ASZ1: variants seen among roughly 807,000 people sequenced by gnomAD.
ASZ1 encodes ankyrin repeat, SAM and basic leucine zipper domain containing 1, also known as ankyrin repeat, SAM and basic leucine zipper domain-containing protein 1.
ASZ1 carries 67 observed loss-of-function variants against 61.8 expected under a neutral mutation model. The observed-to-expected ratio is 1.08, with a 90% confidence interval of 0.89 to 1.33. The LOEUF (loss-of-function observed/expected upper bound fraction) is 1.33. Ranked by LOEUF, ASZ1 falls within the 40% of genes most tolerant of loss-of-function variation. The pLI is 0.00. For synonymous variants in ASZ1, 193 were observed against 192.7 expected, an observed-to-expected ratio of 1.00 and a Z score of -0.01; for missense variants, 577 against 554.5, an observed-to-expected ratio of 1.04 and a Z score of -0.41.
At chr7:117,372,319 T>A (rs1327933826) in intron 10 of ASZ1, among the ~76,000 whole-genome samples, 1 of 152,132 alleles carries the variant, frequency 6.6e-6, no homozygotes, top group Non-Finnish European at 1.5e-5. Context: ...TGACTTGCTT[T>A]AGCAAATAAA....
In ASZ1 at chr7:117,385,805, G is replaced by A. The variant is rs753770290; in HGVS notation, c.445C>T (p.Leu149Phe). ...NADPNVACRR[L>F]MTPIMYAARD... ...GCAGCATACATGATTGGGGTCATAA[G>A]TCTCCTAAGGAGGAGGAAGAAAGGA... The change falls in exon 5 of 13, where the codon CTT becomes TTT. Residue 149 changes from leucine (L) to phenylalanine (F), a missense_variant. Physicochemically the swap from Leu to Phe is conservative, Grantham distance 22 (BLOSUM62 0). Coordinates refer to ENST00000284629, the MANE Select transcript of ASZ1 (RefSeq NM_130768.3). 13 of 1,608,730 alleles carry A rather than the reference G, an allele frequency of 8.1e-6. No individual in the cohort carries two copies. Among genetic ancestry groups the A allele is most frequent in the Non-Finnish European group, 1.1e-5 (13 of 1,175,826 alleles).
Position 117,363,623 on chromosome 7 carries a change from A to G in ASZ1, c.1401T>C (p.Ile467=). 6.2e-7 allele frequency: 1 copy of G among 1,601,672 alleles called. No homozygotes were observed. The highest frequency in any genetic ancestry group is 8.5e-7 in the Non-Finnish European group (1 of 1,175,218). ...TICGFGFLLF[I]CKLTFQRK ...ATTTCCTCTGGAAAGTTAGCTTGCA[A>G]ATGAAAAGAAGAAAACCGAATCCGC... Residue 467 remains isoleucine (I), a synonymous_variant, in exon 13 of 13, where the codon ATT becomes ATC. Transcript: ENST00000284629.
chr7:117,374,237 G>C (rs1259213000), intron 10 of ASZ1, among the ~76,000 whole-genome samples: 1 of 152,012 alleles, frequency 6.6e-6, no homozygotes, highest in Non-Finnish European at 1.5e-5. Context: ...TCTATTGTTT[G>C]TATGTTTAAT....
chr7:117,406,293 A>T (rs758754355), intron 4 of ASZ1, among the ~76,000 whole-genome samples: 2 of 152,246 alleles, frequency 1.3e-5, no homozygotes, highest in Non-Finnish European at 2.9e-5. Context: ...TCACCAGCAG[A>T]TGTATTTAAA....
chr7:117,374,600 G>C (rs780252585), intron 10 of ASZ1, among the ~76,000 whole-genome samples: 1 of 151,812 alleles, frequency 6.6e-6, no homozygotes, highest in Non-Finnish European at 1.5e-5. Context: ...AATCAAACTG[G>C]AATACGTTGA....
chr7:117,412,039 AGTGTGT>A (rs57672347), intron 4 of ASZ1, among the ~76,000 whole-genome samples: 3,787 of 128,386 alleles, frequency 0.029, 154 homozygotes, highest in African/African-American at 0.09. Context: ...AGTGAAAAGA[AGTGTGT>A]GTGTGTGTGT....
In ASZ1 at chr7:117,382,973, CATGCT is replaced by C; in HGVS notation, c.812+8_812+12del. ...TTATAGGTATTCTGTTGAACTAAAA[CATGCT>C]ATATTACCTAAAAATGTGATCTTTT... is the stretch of plus-strand genomic sequence containing the variant. On this transcript the variant is annotated splice_region_variant and intron_variant, in intron 7 of 12. Coordinates refer to ENST00000284629, the MANE Select transcript of ASZ1 (RefSeq NM_130768.3). The C allele has an allele frequency of 6.5e-7, 1 of 1,540,416 alleles. No individual in the cohort carries two copies. Among genetic ancestry groups the C allele is most frequent in the Non-Finnish European group, 8.7e-7 (1 of 1,146,998 alleles).
intron 4 of ASZ1, among the ~76,000 whole-genome samples, chr7:117,406,709 C>T (rs1031283048): frequency 1.3e-5 from 2 of 151,460 alleles, no homozygotes; most frequent in African/African-American, 4.9e-5. Context: ...GCCGAGATTG[C>T]GCCACTGCAC....
intron 3 of ASZ1, among the ~76,000 whole-genome samples, chr7:117,421,180 C>T (rs1190277253): frequency 6.6e-6 from 1 of 152,128 alleles, no homozygotes; most frequent in Non-Finnish European, 1.5e-5. Context: ...ATTTTATACA[C>T]TTTTGAAAAC....
Position 117,368,719 on chromosome 7 carries a change from T to C in ASZ1, c.1056-2A>G, listed in dbSNP as rs1795991813. 1.9e-6 allele frequency: 3 copies of C among 1,610,320 alleles called. No individual in the cohort carries two copies. Among genetic ancestry groups the C allele is most frequent in the Non-Finnish European group, 2.5e-6 (3 of 1,178,930 alleles). On this transcript the variant is annotated splice_acceptor_variant, in intron 10 of 12. Transcript: ENST00000284629. LOFTEE classifies it high-confidence loss of function. The stretch of plus-strand genomic sequence containing the variant: ...AGAAAGTTGAGGAACTCATCACCAC[T>C]AAAGAAAGGAAACAAACAAACAAGC...
chr7:117,408,519 T>G (rs762901113), intron 4 of ASZ1, among the ~76,000 whole-genome samples: 38 of 152,200 alleles, frequency 2.5e-4, no homozygotes, highest in Middle Eastern at 3.4e-3. Flanking sequence ...TGACCATAGG[T>G]TGGGTTATAA....
At chr7:117,400,727 C>A (rs1412114217) in intron 4 of ASZ1, among the ~76,000 whole-genome samples, 1 of 152,138 alleles carries the variant, frequency 6.6e-6, no homozygotes, top group Non-Finnish European at 1.5e-5. Flanking sequence ...AAACTAGATG[C>A]TAAGAGGGCT....
chr7:117,368,969 C>A (rs189802697), intron 10 of ASZ1, among the ~76,000 whole-genome samples: 46 of 152,216 alleles, frequency 3.0e-4, no homozygotes, highest in African/African-American at 1.0e-3. Context: ...CACAGGAACA[C>A]ATGAAGGAGG....
At chr7:117,369,339 G>A (rs1470507378) in intron 10 of ASZ1, among the ~76,000 whole-genome samples, 1 of 152,116 alleles carries the variant, frequency 6.6e-6, no homozygotes, top group African/African-American at 2.4e-5. Context: ...AAAGTAGTAA[G>A]AGAAAAGGCT....
chr7:117,390,279 T>C (rs1252827981), intron 4 of ASZ1, among the ~76,000 whole-genome samples: 1 of 152,012 alleles, frequency 6.6e-6, no homozygotes, highest in Non-Finnish European at 1.5e-5. Flanking sequence ...AAGCAATTCT[T>C]CCACCTTAGC....
At chr7:117,418,257 C>G (rs537597723) in intron 4 of ASZ1, among the ~76,000 whole-genome samples, 35 of 152,348 alleles carry the variant, frequency 2.3e-4, no homozygotes, top group African/African-American at 7.9e-4. Flanking sequence ...AAGTTTACTT[C>G]AGCAAGGAGT....
intron 4 of ASZ1, among the ~76,000 whole-genome samples, chr7:117,395,468 A>C (rs1251144539): frequency 2.6e-5 from 4 of 152,138 alleles, no homozygotes; most frequent in Non-Finnish European, 5.9e-5. Flanking sequence ...ATGTCTTTTT[A>C]AATACTGATT....
rs901249873 is a variant in ASZ1, at chr7:117,427,390, C to A, written c.71G>T (p.Gly24Val). 1 of 1,614,230 alleles carries A rather than the reference C, an allele frequency of 6.2e-7. No individual in the cohort carries two copies. Among genetic ancestry groups the A allele is most frequent in the African/African-American group, 1.3e-5 (1 of 75,074 alleles). Reference protein sequence around the residue: ...GGESSESEDDGWEIGYLDRTS... With the variant: ...GGESSESEDDVWEIGYLDRTS... ...CCGGTCGAGATACCCAATCTCCCAG[C>A]CATCATCCTCGCTCTCGCTACTCTC... The change falls in exon 1 of 13, where the codon GGC becomes GTC. Residue 24 changes from glycine (G) to valine (V), a missense_variant. Coordinates refer to ENST00000284629, the MANE Select transcript of ASZ1 (RefSeq NM_130768.3).
chr7:117,364,554 G>A (rs1795898268), intron 12 of ASZ1, among the ~76,000 whole-genome samples: 1 of 151,728 alleles, frequency 6.6e-6, no homozygotes, highest in Non-Finnish European at 1.5e-5. Flanking sequence ...AAAGATCCTT[G>A]AAAGATAAAA....
Sources: allele counts gnomAD v4.1 joint callset (sites outside exome capture counted in the v4.1 genomes callset), GRCh38; gene constraint gnomAD v4.1.1; transcripts MANE v1.5; gene names NCBI Gene and HGNC (gene_info 2026-07-23, HGNC 2026-07-21).